The following GPC6 variants were observed in gnomAD, a reference collection of about 807,000 sequenced individuals.
The protein encoded by GPC6 is glypican-6.
In GPC6, 14 loss-of-function variants were observed where a neutral mutation model predicts 55.2. The ratio of observed to expected loss-of-function variants is 0.25; its 90% CI spans 0.17 to 0.40. GPC6 has a LOEUF of 0.40. GPC6 is among the 10% of genes least tolerant of loss of function. The pLI is 1.00. For synonymous variants in GPC6, 278 were observed against 259.6 expected (o/e 1.07, Z -0.68); for missense variants, 641 against 708.5 (o/e 0.90, Z 1.08).
chr13:93,894,820 T>C (rs73553727), intron 3 of GPC6, among the ~76,000 whole-genome samples: 8,376 of 152,068 alleles, frequency 0.055, 361 homozygotes, highest in African/African-American at 0.12. Flanking sequence ...AAAATTCAAA[T>C]TGAGCCTCTG....
intron 4 of GPC6, among the ~76,000 whole-genome samples, chr13:94,275,955 A>T (rs1892189126): frequency 6.6e-6 from 1 of 152,202 alleles, no homozygotes; most frequent in East Asian, 1.9e-4. Flanking sequence ...GACTTAAAGA[A>T]TCAGATATTG....
chr13:93,369,063 C>T (rs1468834448), intron 1 of GPC6, among the ~76,000 whole-genome samples: 1 of 152,064 alleles, frequency 6.6e-6, no homozygotes, highest in African/African-American at 2.4e-5. Context: ...CTTTACTAGA[C>T]ATTGTCTCAT....
chr13:93,823,984 TA>T (rs1887143896), intron 2 of GPC6, among the ~76,000 whole-genome samples: 1 of 152,198 alleles, frequency 6.6e-6, no homozygotes, highest in Non-Finnish European at 1.5e-5. Flanking sequence ...CTTAAAGCAA[TA>T]TTGTCTTTTA....
chr13:93,785,902 C>CA (rs929075253), intron 2 of GPC6, among the ~76,000 whole-genome samples: 55 of 152,228 alleles, frequency 3.6e-4, no homozygotes, highest in African/African-American at 1.3e-3. Flanking sequence ...GTCAAGGCTG[C>CA]AGTAAGTCAT....
chr13:94,296,477 A>G (rs1227785295), intron 5 of GPC6, among the ~76,000 whole-genome samples: 12 of 152,228 alleles, frequency 7.9e-5, no homozygotes, highest in Admixed American at 7.2e-4. Context: ...ACTTAAGAGA[A>G]GAGCACCTGC....
At chr13:93,550,467 A>G (rs924550473) in intron 2 of GPC6, among the ~76,000 whole-genome samples, 1 of 152,174 alleles carries the variant, frequency 6.6e-6, no homozygotes, top group Non-Finnish European at 1.5e-5. Context: ...CATTTTTAAA[A>G]GCAAAATAAA....
intron 6 of GPC6, among the ~76,000 whole-genome samples, chr13:94,326,612 A>G (rs1213736367): frequency 6.6e-6 from 1 of 152,154 alleles, no homozygotes; most frequent in East Asian, 1.9e-4. Context: ...CCATCACAAG[A>G]TGTTCGGTTT....
chr13:93,385,925 C>T (rs945187181), intron 1 of GPC6, among the ~76,000 whole-genome samples: 1 of 151,812 alleles, frequency 6.6e-6, no homozygotes, highest in African/African-American at 2.4e-5. Flanking sequence ...TTGGCTAACA[C>T]GGATGTATTC....
intron 6 of GPC6, among the ~76,000 whole-genome samples, chr13:94,314,091 G>A (rs142272810): frequency 1.3e-4 from 20 of 152,282 alleles, no homozygotes; most frequent in East Asian, 9.7e-4. Flanking sequence ...TAGTGCTGGC[G>A]TCATCAAAAG....
At chr13:94,396,123 C>G (rs373722212) in intron 7 of GPC6, among the ~76,000 whole-genome samples, 8 of 152,318 alleles carry the variant, frequency 5.3e-5, no homozygotes, top group African/African-American at 1.9e-4. Context: ...CCTTTATCCC[C>G]TGGGGCCCCC....
chr13:93,361,305 C>G (rs1482721325), intron 1 of GPC6, among the ~76,000 whole-genome samples: 1 of 152,100 alleles, frequency 6.6e-6, no homozygotes, highest in African/African-American at 2.4e-5. Context: ...CTGTTCCCAC[C>G]TCATTTCCAA....
intron 1 of GPC6, among the ~76,000 whole-genome samples, chr13:93,383,393 T>G (rs992201130): frequency 2.0e-5 from 3 of 152,034 alleles, no homozygotes; most frequent in African/African-American, 7.2e-5. Flanking sequence ...TTAAAAGAGT[T>G]TTTTGCAGAG....
At chr13:93,860,029 T>C (rs1365823173) in intron 3 of GPC6, among the ~76,000 whole-genome samples, 1 of 151,706 alleles carries the variant, frequency 6.6e-6, no homozygotes, top group Non-Finnish European at 1.5e-5. Context: ...TCCTCTCACC[T>C]TATGGTGTTA....
intron 4 of GPC6, among the ~76,000 whole-genome samples, chr13:94,060,692 A>G (rs993464312): frequency 4.6e-5 from 7 of 152,192 alleles, no homozygotes; most frequent in South Asian, 4.1e-4. Context: ...TCTGAAGACT[A>G]TCTTTCATAA....
chr13:93,476,851 A>G (rs1225987951), intron 1 of GPC6, among the ~76,000 whole-genome samples: 2 of 152,202 alleles, frequency 1.3e-5, no homozygotes, highest in African/African-American at 4.8e-5. Flanking sequence ...ATGTACAAAT[A>G]TTAATATGTG....
chr13:93,708,876 G>C (rs143026079), intron 2 of GPC6, among the ~76,000 whole-genome samples: 4 of 151,826 alleles, frequency 2.6e-5, no homozygotes, highest in African/African-American at 9.6e-5. Context: ...GAGCTCATTA[G>C]TAACATTTGT....
chr13:93,539,616 A>T (rs193065757), intron 1 of GPC6, among the ~76,000 whole-genome samples: 38 of 152,262 alleles, frequency 2.5e-4, no homozygotes, highest in Non-Finnish European at 4.3e-4. Context: ...TGCTGACAAA[A>T]TGGAAGACTA....
At chr13:93,970,325 C>T (rs893405283) in intron 3 of GPC6, among the ~76,000 whole-genome samples, 1 of 152,066 alleles carries the variant, frequency 6.6e-6, no homozygotes, top group African/African-American at 2.4e-5. Flanking sequence ...ACCTGACAAA[C>T]AAAAATTGAG....
intron 4 of GPC6, among the ~76,000 whole-genome samples, chr13:94,200,170 A>G (rs1169703230): frequency 1.3e-5 from 2 of 152,020 alleles, no homozygotes; most frequent in African/African-American, 4.8e-5. Flanking sequence ...AAAAAAAAAA[A>G]AACCACATGT....
Sources: allele counts gnomAD v4.1 joint callset (sites outside exome capture counted in the v4.1 genomes callset), GRCh38; gene constraint gnomAD v4.1.1; transcripts MANE v1.5; gene names NCBI Gene and HGNC (gene_info 2026-07-23, HGNC 2026-07-21).